Variants in DNAH5 observed in about 807,000 individuals in gnomAD.
The protein encoded by DNAH5 is dynein axonemal heavy chain 5, also known as axonemal beta dynein heavy chain 5.
DNAH5 carries 372 observed loss-of-function variants against 518.2 expected under a neutral mutation model. The observed-to-expected ratio is 0.72, with a 90% CI of 0.66 to 0.78. The LOEUF (loss-of-function observed/expected upper bound fraction) is 0.78. Ranked by LOEUF, DNAH5 falls within the 30% of genes least tolerant of loss-of-function variation. The pLI, the probability that DNAH5 is intolerant of heterozygous loss-of-function variation, is 0.00. For synonymous variants in DNAH5, 2,039 were observed against 2,025.9 expected, an observed-to-expected ratio of 1.01 and a Z score of -0.17; for missense variants, 5,523 against 5,687.0, an observed-to-expected ratio of 0.97 and a Z score of 0.93.
upstream of DNAH5, among the ~76,000 whole-genome samples, chr5:13,949,542 C>T (rs1054732088): frequency 1.3e-5 from 2 of 152,094 alleles, no homozygotes; most frequent in African/African-American, 4.8e-5. Context: ...CTGGGAGACT[C>T]ATCTGTCAAA....
At chr5:13,853,526 C>G (rs540972136) in intron 30 of DNAH5, among the ~76,000 whole-genome samples, 1 of 151,976 alleles carries the variant, frequency 6.6e-6, no homozygotes, top group African/African-American at 2.4e-5. Flanking sequence ...ATGAGTTTGA[C>G]GAATTGACAG....
chr5:13,820,972 G>T (rs1007526061), intron 40 of DNAH5, among the ~76,000 whole-genome samples: 21 of 152,122 alleles, frequency 1.4e-4, no homozygotes, highest in African/African-American at 5.1e-4. Context: ...AGGTTCTGAA[G>T]ATGGATGGTG....
intron 1 of DNAH5, among the ~76,000 whole-genome samples, chr5:13,963,917 C>T (rs1781359995): frequency 6.6e-6 from 1 of 152,178 alleles, no homozygotes; most frequent in Non-Finnish European, 1.5e-5. Flanking sequence ...ATCCTGCCAC[C>T]TCAGCCTCCC....
intron 17 of DNAH5, among the ~76,000 whole-genome samples, chr5:13,890,031 A>G (rs1400462008): frequency 2.6e-5 from 4 of 152,208 alleles, no homozygotes; most frequent in Non-Finnish European, 5.9e-5. Context: ...TTCATGGAGC[A>G]CTGCTCCCAG....
chr5:13,966,085 T>C (rs1252243077), intron 1 of DNAH5, among the ~76,000 whole-genome samples: 1 of 152,136 alleles, frequency 6.6e-6, no homozygotes, highest in African/African-American at 2.4e-5. Flanking sequence ...CATACGATGT[T>C]TGGTTTTCCA....
chr5:13,721,752 T>C (rs772647969), intron 70 of DNAH5, among the ~76,000 whole-genome samples: 2 of 152,256 alleles, frequency 1.3e-5, no homozygotes, highest in Non-Finnish European at 2.9e-5. Context: ...CTCCTCATCA[T>C]TGTCGTCATT....
chr5:13,768,989 C>T lies in DNAH5; in HGVS notation c.9868G>A (p.Ala3290Thr). ...AATGCAGCTTCTGCCTCTTCTAAAG[C>T]TGGTTTTGCTGCTTCCAGTTTTTCT... ...AEEKLEAAKP[A>T]LEEAEAALQT... Residue 3290 changes from alanine (A) to threonine (T), a missense_variant, in exon 58 of 79, where the codon GCT (alanine) becomes ACT (threonine). Around this residue, in one of 3 missense-constraint regions of DNAH5, gnomAD observed 5,121 missense variants for 5,223.3 expected, o/e 0.98. Transcript: ENST00000265104. The T allele has an allele frequency of 6.2e-7, 1 of 1,614,178 alleles. No individual in the cohort carries two copies. The highest frequency in any genetic ancestry group is 1.3e-5 in the African/African-American group (1 of 75,060).
intron 12 of DNAH5, among the ~76,000 whole-genome samples, chr5:13,911,145 T>C (rs112547387): frequency 7.2e-5 from 11 of 152,326 alleles, no homozygotes; most frequent in African/African-American, 2.6e-4. Context: ...AGAACGTCAA[T>C]GGAAGACATG....
In DNAH5 at chr5:13,766,039, G is replaced by A; in HGVS notation, c.10038C>T (p.Thr3346=). 1 of 1,614,204 alleles carries A rather than the reference G, an allele frequency of 6.2e-7. No individual in the cohort carries two copies. The highest frequency in any genetic ancestry group is 8.5e-7 in the Non-Finnish European group (1 of 1,180,026). ...AVKIDLEKSC[T]MPSWQESLKL... is the part of the protein sequence containing the mutation. Reference sequence around the variant, plus strand: ...TTAAGGATTCCTGCCAGGAGGGCATGGTACAGCTTTTTTCCAGGTCAATTT... The same window carrying A: ...TTAAGGATTCCTGCCAGGAGGGCATAGTACAGCTTTTTTCCAGGTCAATTT... The change falls in exon 59 of 79, where the codon ACC becomes ACT. Residue 3346 remains threonine, a synonymous_variant. Transcript: ENST00000265104.
intron 47 of DNAH5, among the ~76,000 whole-genome samples, chr5:13,801,001 A>C (rs1365151376): frequency 6.6e-6 from 1 of 152,142 alleles, no homozygotes; most frequent in African/African-American, 2.4e-5. Context: ...GTTGTTAAAT[A>C]TTTTTTACAT....
intron 54 of DNAH5, 128 bp downstream of exon 54, chr5:13,777,074 C>A: frequency 1.1e-6 from 1 of 899,138 alleles, no homozygotes; most frequent in Middle Eastern, 3.2e-4. Flanking sequence ...ACCCATCCTT[C>A]ATACTGATCA....
At chr5:13,811,507 C>G in intron 44 of DNAH5, 140 bp downstream of exon 44, 1 of 767,216 alleles carries the variant, frequency 1.3e-6, no homozygotes, top group South Asian at 1.9e-5. Context: ...CCCTCCCCAA[C>G]AGCTCTAACC....
At chr5:13,967,576 T>C (rs1291117689) in intron 1 of DNAH5, among the ~76,000 whole-genome samples, 5 of 152,246 alleles carry the variant, frequency 3.3e-5, no homozygotes, top group Admixed American at 1.3e-4. Context: ...TTGATGACTA[T>C]AGCCTTATAG....
At chr5:13,938,632 T>C (rs1274569111) in intron 1 of DNAH5, among the ~76,000 whole-genome samples, 2 of 152,010 alleles carry the variant, frequency 1.3e-5, no homozygotes, top group Non-Finnish European at 2.9e-5. Flanking sequence ...CTACCCATGG[T>C]TTCTGGCATT....
chr5:13,977,880 A>G (rs1281295859), intron 1 of DNAH5, among the ~76,000 whole-genome samples: 1 of 152,186 alleles, frequency 6.6e-6, no homozygotes, highest in Non-Finnish European at 1.5e-5. Context: ...GCCACTGGGA[A>G]AGAGTCTCAA....
rs1776405756 is a variant in DNAH5, at chr5:13,914,501, A to G, written c.1320+19T>C. 1 of 1,611,574 alleles carries G rather than the reference A, an allele frequency of 6.2e-7. No individual in the cohort carries two copies. Among genetic ancestry groups the G allele is most frequent in the African/African-American group, 1.3e-5 (1 of 74,878 alleles). On this transcript the variant is annotated intron_variant, in intron 10 of 78. Coordinates refer to ENST00000265104, the MANE Select transcript of DNAH5 (RefSeq NM_001369.3). ...AAGATAAAAAGAATAGAACATCTAA[A>G]TACTAAACTGACCATTACCTGTTTC...
intron 22 of DNAH5, among the ~76,000 whole-genome samples, chr5:13,875,465 C>CAAAAAAAA: frequency 9.4e-6 from 1 of 105,994 alleles, no homozygotes; most frequent in Non-Finnish European, 1.8e-5. Context: ...GAAACTCCTT[C>CAAAAAAAA]AAAAAAAAAA....
At chr5:14,004,854 A>T (rs1784610219) in intron 1 of DNAH5, among the ~76,000 whole-genome samples, 1 of 150,284 alleles carries the variant, frequency 6.7e-6, no homozygotes, top group Non-Finnish European at 1.5e-5. Flanking sequence ...GGTTGATCTC[A>T]ATAGCCTCTC....
rs1491196468 is a variant in DNAH5, at chr5:13,778,583, A to AG, written c.8952-1229_8952-1228insC. Among the ~76,000 whole-genome samples the AG allele has an allele frequency of 3.2e-4, 24 of 74,404 alleles. 1 individual carries two copies. Among genetic ancestry groups the AG allele is most frequent in the African/African-American group, 1.2e-3 (23 of 18,512 alleles). 48.8% of individuals were successfully genotyped at this position (74,404 alleles called of 152,430 possible). On this transcript the variant is annotated intron_variant, in intron 53 of 78. Coordinates refer to ENST00000265104, the MANE Select transcript of DNAH5 (RefSeq NM_001369.3). The stretch of plus-strand genomic sequence containing the variant: ...GAAAGAAAGAAAGAAAGAAAGAAAG[A>AG]AAGAAAGAAAGAAAGAGAGAGAGAA...
Sources: allele counts gnomAD v4.1 joint callset (sites outside exome capture counted in the v4.1 genomes callset), GRCh38; gene constraint gnomAD v4.1.1; regional missense constraint gnomAD v4.1.1; transcripts MANE v1.5; gene names NCBI Gene and HGNC (gene_info 2026-07-23, HGNC 2026-07-21).